TNN: variants seen among roughly 807,000 people sequenced by gnomAD.
The protein encoded by TNN is tenascin-N.
A neutral mutation model predicts 134.4 loss-of-function variants in TNN; 122 were observed. The ratio of observed to expected loss-of-function variants is 0.91; its 90% confidence interval spans 0.78 to 1.06. The LOEUF (loss-of-function observed/expected upper bound fraction) is 1.06. Ranked by LOEUF, TNN falls within the 50% of genes least tolerant of loss-of-function variation. The pLI, the probability that TNN is intolerant of heterozygous loss-of-function variation, is 0.00. For missense variants in TNN, 1,739 were observed against 1,699.4 expected, an observed-to-expected ratio of 1.02 and a Z score of -0.41; for synonymous variants, 710 against 670.3, an observed-to-expected ratio of 1.06 and a Z score of -0.91.
At position 175,079,508 on chromosome 1, in the gene TNN, C is replaced by T. The variant is rs772151884; in HGVS notation, c.585C>T (p.Ala195=). ...RCLCHEPYVG[A]DCGYPACPEN... is the part of the protein sequence containing the mutation. ...TGTGCCATGAGCCCTACGTGGGTGC[C>T]GACTGCGGCTACCCGGCCTGCCCTG... Residue 195 remains alanine, a synonymous_variant, in exon 3 of 19, where the codon GCC becomes GCT. Transcript: ENST00000239462. The T allele has an allele frequency of 1.1e-4, 176 of 1,561,848 alleles. 3 individuals carry two copies. In the East Asian group the frequency reaches 3.5e-3, roughly 31 times the overall value.
chr1:175,101,006 G>C (rs1329186890), intron 9 of TNN, among the ~76,000 whole-genome samples: 2 of 152,204 alleles, frequency 1.3e-5, no homozygotes, highest in Non-Finnish European at 2.9e-5. Flanking sequence ...CTTTGAGTTA[G>C]AAACATGTCA....
Position 175,079,664 on chromosome 1 carries a change from G to A in TNN, c.741G>A (p.Glu247=), listed in dbSNP as rs749570931. 1 of 1,609,200 alleles carries A rather than the reference G, an allele frequency of 6.2e-7. No homozygotes were observed. Among genetic ancestry groups the A allele is most frequent in the Non-Finnish European group, 8.5e-7 (1 of 1,178,374 alleles). Residue 247 remains glutamate (E), a synonymous_variant, in exon 3 of 19, where the codon GAG becomes GAA. Transcript: ENST00000239462. ...CSGHGFCDTG[E]CYCEEGFTGL... is the part of the protein sequence containing the mutation. ...GCCACGGCTTCTGTGACACGGGCGA[G>A]TGCTACTGCGAGGAGGGCTTCACAG...
At chr1:175,103,731 G>T (rs983091975) in intron 9 of TNN, among the ~76,000 whole-genome samples, 3 of 138,752 alleles carry the variant, frequency 2.2e-5, no homozygotes, top group Admixed American at 7.3e-5. Context: ...CTGTCTCTTT[G>T]TCTCTTCCTC....
At chr1:175,069,113 T>C (rs1673861876) in intron 1 of TNN, among the ~76,000 whole-genome samples, 1 of 151,970 alleles carries the variant, frequency 6.6e-6, no homozygotes, top group African/African-American at 2.4e-5. Context: ...AGTTCCAACA[T>C]AAAAGTAACA....
intron 2 of TNN, among the ~76,000 whole-genome samples, chr1:175,078,177 C>A (rs1001410580): frequency 6.6e-6 from 1 of 152,240 alleles, no homozygotes; most frequent in Non-Finnish European, 1.5e-5. Flanking sequence ...GGCCTTGGAG[C>A]TAGACAAGAC....
chr1:175,107,099 G>A lies in TNN; in HGVS notation c.2119+8504G>A, dbSNP rs191803414. On this transcript the variant is annotated intron_variant, in intron 9 of 18. Transcript: ENST00000239462. The stretch of plus-strand genomic sequence containing the variant: ...GATATGCGAAAGTCCCTTCGTGGTC[G>A]CCAAAATGTGTCCGGAATTGGTGGG... Among the ~76,000 whole-genome samples, 28 of 146,364 alleles carry A rather than the reference G, an allele frequency of 1.9e-4. 3 individuals are homozygous for A. Among genetic ancestry groups the A allele is most frequent in the African/African-American group, 4.2e-4 (17 of 40,768 alleles).
At chr1:175,134,585 TA>T (rs1162789290) in intron 15 of TNN, among the ~76,000 whole-genome samples, 1 of 151,082 alleles carries the variant, frequency 6.6e-6, no homozygotes, top group African/African-American at 2.4e-5. Flanking sequence ...AATAAATAAA[TA>T]ACAATAAACT....
chr1:175,128,897 A>G, intron 15 of TNN, 151 bp downstream of exon 15: 1 of 828,248 alleles, frequency 1.2e-6, no homozygotes, highest in Non-Finnish European at 1.7e-6. Context: ...CTGTTTTTAG[A>G]GAGATCCCAA....
At chr1:175,084,975 CA>C in intron 5 of TNN, among the ~76,000 whole-genome samples, 1 of 152,252 alleles carries the variant, frequency 6.6e-6, no homozygotes, top group South Asian at 2.1e-4. Flanking sequence ...CTGAGTGACA[CA>C]GTGAGATCCT....
rs1439688505 is a variant in TNN, at chr1:175,128,007, G to T, written c.3046-25G>T. On this transcript the variant is annotated intron_variant, in intron 13 of 18. Coordinates refer to ENST00000239462, the MANE Select transcript of TNN (RefSeq NM_022093.2). The stretch of plus-strand genomic sequence containing the variant: ...TGGGTGATAAACTGAGTCACTGGCT[G>T]TCTAATCTCTCCCTTGTTTGGTAGG... 3 of 1,613,994 alleles carry T rather than the reference G, an allele frequency of 1.9e-6. No individual in the cohort carries two copies. In the Admixed American group the frequency reaches 5.0e-5, roughly 27 times the overall value.
In TNN at chr1:175,136,138, A is replaced by G. The variant is rs112510156; in HGVS notation, c.3427+197A>G. ...TTGCACTCTGAACTTGTTGAAAGGT[A>G]GGGTGGTCACAGGGGTTTTATGCTG... On this transcript the variant is annotated intron_variant, in intron 16 of 18. Coordinates refer to ENST00000239462, the MANE Select transcript of TNN (RefSeq NM_022093.2). Among the ~76,000 whole-genome samples the G allele has an allele frequency of 2.9e-3, 437 of 152,268 alleles. 1 individual carries two copies. Among genetic ancestry groups the G allele is most frequent in the African/African-American group, 0.01 (420 of 41,550 alleles).
chr1:175,095,393 A>T (rs959903455), intron 7 of TNN, among the ~76,000 whole-genome samples: 1 of 152,224 alleles, frequency 6.6e-6, no homozygotes, highest in Non-Finnish European at 1.5e-5. Context: ...AATGATGTGT[A>T]AATGGACTGG....
At chr1:175,089,116 A>G (rs1674384192) in intron 6 of TNN, among the ~76,000 whole-genome samples, 1 of 152,218 alleles carries the variant, frequency 6.6e-6, no homozygotes, top group Non-Finnish European at 1.5e-5. Context: ...AGACACTGTA[A>G]TTTATAGGGT....
At position 175,147,077 on chromosome 1, in the gene TNN, C is replaced by T. The variant is rs775926572; in HGVS notation, c.*6C>T. 8.3e-6 allele frequency: 13 copies of T among 1,565,684 alleles called. No homozygotes were observed. In the South Asian group the frequency reaches 1.4e-4, roughly 17 times the overall value. ...GAAGGCTGCGAACGTTCTGATGGCC[C>T]GTGTGAGCAGTCCTCGCAGGAGACA... On this transcript the variant is annotated 3_prime_UTR_variant, in exon 19 of 19. Coordinates refer to ENST00000239462, the MANE Select transcript of TNN (RefSeq NM_022093.2).
At position 175,077,407 on chromosome 1, in the gene TNN, G is replaced by C; in HGVS notation, c.-12G>C. On this transcript the variant is annotated 5_prime_UTR_variant, in exon 2 of 19. Transcript: ENST00000239462. ...AGGCATCCTGGAGGGTCTGCTCCCTGTCTTTCCAAGGATGAGTCTCCAGGA... is the reference window on the plus strand; with the variant it reads ...AGGCATCCTGGAGGGTCTGCTCCCTCTCTTTCCAAGGATGAGTCTCCAGGA... The C allele has an allele frequency of 6.2e-7, 1 of 1,605,950 alleles. No individual in the cohort carries two copies. Among genetic ancestry groups the C allele is most frequent in the Non-Finnish European group, 8.5e-7 (1 of 1,174,902 alleles).
chr1:175,126,908 C>A, intron 12 of TNN, 47 bp from the exon 13 acceptor site: 1 of 1,564,948 alleles, frequency 6.4e-7, no homozygotes, highest in Admixed American at 2.0e-5. Context: ...ATTACCTTGC[C>A]TCAGTTGTAT....
At chr1:175,096,335 G>C (rs149341187) in intron 7 of TNN, among the ~76,000 whole-genome samples, 29 of 152,334 alleles carry the variant, frequency 1.9e-4, no homozygotes, top group African/African-American at 6.7e-4. Flanking sequence ...CGGTCTGTGT[G>C]TTTGGTGCAC....
At chr1:175,081,578 G>A (rs2149427790) in intron 4 of TNN, among the ~76,000 whole-genome samples, 1 of 152,286 alleles carries the variant, frequency 6.6e-6, no homozygotes, top group Admixed American at 6.5e-5. Flanking sequence ...AGGTGGGGAT[G>A]GGTCAGTGTT....
chr1:175,074,075 C>T (rs1055451055), intron 1 of TNN, among the ~76,000 whole-genome samples: 1 of 152,176 alleles, frequency 6.6e-6, no homozygotes, highest in Non-Finnish European at 1.5e-5. Context: ...AAGCTTCCAC[C>T]TGTGAATTCC....
Sources: gnomAD v4.1 joint callset for allele counts (sites outside exome capture counted in the v4.1 genomes callset) on GRCh38, gnomAD v4.1.1 for gene constraint, MANE v1.5 for transcripts, NCBI Gene and HGNC (gene_info 2026-07-23, HGNC 2026-07-21) for gene names.